Variants in ITPR1 observed in about 807,000 individuals in gnomAD.
ITPR1 encodes inositol 1,4,5-trisphosphate-gated calcium channel ITPR1.
In ITPR1, 96 loss-of-function variants were observed where a neutral mutation model predicts 318.4. The ratio of observed to expected loss-of-function variants is 0.30; its 90% CI spans 0.26 to 0.36. The LOEUF (loss-of-function observed/expected upper bound fraction) is 0.36, where lower values mean the gene tolerates loss of function less well. ITPR1 is among the 10% of genes least tolerant of loss of function. ITPR1 has a pLI of 1.00. For missense variants in ITPR1, 2,440 were observed against 3,460.2 expected (o/e 0.71, Z 7.40); for synonymous variants, 1,312 against 1,289.9 (o/e 1.02, Z -0.37).
At chr3:4,773,540 T>C (rs2046315054) in intron 46 of ITPR1, among the ~76,000 whole-genome samples, 1 of 152,178 alleles carries the variant, frequency 6.6e-6, no homozygotes, top group African/African-American at 2.4e-5. Flanking sequence ...CATATTAATC[T>C]ATATGCCTTT....
At chr3:4,511,650 C>A (rs2081835442) in intron 2 of ITPR1, among the ~76,000 whole-genome samples, 1 of 152,188 alleles carries the variant, frequency 6.6e-6, no homozygotes, top group African/African-American at 2.4e-5. Context: ...TTATTCTCCC[C>A]ATTTTACAGC....
chr3:4,705,633 A>G (rs139080010), intron 36 of ITPR1, among the ~76,000 whole-genome samples: 1 of 152,234 alleles, frequency 6.6e-6, no homozygotes, highest in Non-Finnish European at 1.5e-5. Context: ...GGTTTGACTG[A>G]TGTTTGTCTC....
At chr3:4,624,539 A>C (rs1293052843) in intron 4 of ITPR1, among the ~76,000 whole-genome samples, 2 of 151,706 alleles carry the variant, frequency 1.3e-5, no homozygotes, top group Admixed American at 1.3e-4. Context: ...CATGGTGGTG[A>C]GCACCTGTAA....
intron 42 of ITPR1, among the ~76,000 whole-genome samples, chr3:4,732,634 G>A (rs1461906589): frequency 1.3e-5 from 2 of 151,958 alleles, no homozygotes; most frequent in African/African-American, 2.4e-5. Flanking sequence ...CTTACTCTTG[G>A]CTTATTGTAT....
intron 49 of ITPR1, among the ~76,000 whole-genome samples, chr3:4,781,769 G>A (rs569714805): frequency 5.3e-5 from 8 of 152,314 alleles, no homozygotes; most frequent in African/African-American, 1.9e-4. Context: ...GAACACTGGA[G>A]TCCAGGAGTT....
At chr3:4,648,829 G>T (rs1317281567) in intron 10 of ITPR1, among the ~76,000 whole-genome samples, 1 of 152,140 alleles carries the variant, frequency 6.6e-6, no homozygotes, top group East Asian at 1.9e-4. Flanking sequence ...AAGTTGTTTT[G>T]TTACAATACT....
At chr3:4,834,767 G>A (rs564035078) in intron 60 of ITPR1, among the ~76,000 whole-genome samples, 1 of 152,162 alleles carries the variant, frequency 6.6e-6, no homozygotes, top group East Asian at 1.9e-4. Context: ...AGCACTTTGG[G>A]TTTCTCAGCT....
intron 4 of ITPR1, among the ~76,000 whole-genome samples, chr3:4,556,991 A>C (rs984523742): frequency 6.6e-6 from 1 of 152,182 alleles, no homozygotes; most frequent in African/African-American, 2.4e-5. Context: ...ACCTAGTCAG[A>C]TGGCAACTCT....
At chr3:4,812,965 T>TC in intron 56 of ITPR1, 177 bp from the exon 57 acceptor site, 1 of 616,796 alleles carries the variant, frequency 1.6e-6, no homozygotes, top group Non-Finnish European at 2.9e-6. Flanking sequence ...TTGGCTTTTT[T>TC]CCCATCCAGA....
chr3:4,788,262 A>G (rs1488943308), intron 52 of ITPR1, 123 bp downstream of exon 52: 12 of 758,964 alleles, frequency 1.6e-5, no homozygotes, highest in Middle Eastern at 2.4e-4. Flanking sequence ...GATACTTTGC[A>G]CCTCTGACCA....
At chr3:4,571,793 T>A (rs2088025582) in intron 4 of ITPR1, among the ~76,000 whole-genome samples, 1 of 152,198 alleles carries the variant, frequency 6.6e-6, no homozygotes, top group Non-Finnish European at 1.5e-5. Context: ...AAACCTAGAA[T>A]GGGCAGGTCT....
chr3:4,813,030 TAG>T, intron 56 of ITPR1, 110 bp from the exon 57 acceptor site: 1 of 794,134 alleles, frequency 1.3e-6, no homozygotes, highest in Admixed American at 1.9e-5. Flanking sequence ...TGCAAGATTC[TAG>T]GGTGTTATTT....
chr3:4,652,521 G>A lies in ITPR1; in HGVS notation c.951+303G>A, dbSNP rs146112318. On this transcript the variant is annotated intron_variant, in intron 11 of 61. Coordinates refer to ENST00000649015, the MANE Select transcript of ITPR1 (RefSeq NM_001378452.1). ...CGCTTTTATATACGACCCTCCCCAC[G>A]TCTTGTCTACCAGCCCCACACCTAG... 8.5e-3 allele frequency among the ~76,000 whole-genome samples: 1,295 copies of A among 152,182 alleles called. 16 individuals are homozygous for A. The highest frequency in any genetic ancestry group is 0.029 in the African/African-American group (1,207 of 41,510).
intron 33 of ITPR1, among the ~76,000 whole-genome samples, chr3:4,696,112 T>G (rs2094553667): frequency 6.6e-6 from 1 of 152,232 alleles, no homozygotes; most frequent in Non-Finnish European, 1.5e-5. Flanking sequence ...TTTTAGAAGC[T>G]TCATGGAGAT....
At chr3:4,652,848 TG>T (rs1412412288) in intron 11 of ITPR1, among the ~76,000 whole-genome samples, 1 of 151,964 alleles carries the variant, frequency 6.6e-6, no homozygotes, top group East Asian at 1.9e-4. Context: ...ATTAGCCAGG[TG>T]TGGTGGTGCA....
intron 60 of ITPR1, among the ~76,000 whole-genome samples, chr3:4,819,145 T>C (rs1352191207): frequency 6.6e-6 from 1 of 152,220 alleles, no homozygotes; most frequent in Non-Finnish European, 1.5e-5. Context: ...ATACTGGAAG[T>C]CAGGTCTGTT....
chr3:4,820,368 T>C (rs991233446), intron 60 of ITPR1, among the ~76,000 whole-genome samples: 1 of 152,224 alleles, frequency 6.6e-6, no homozygotes, highest in Non-Finnish European at 1.5e-5. Context: ...TATCTTTACA[T>C]CTTCCAGGGG....
intron 61 of ITPR1, among the ~76,000 whole-genome samples, chr3:4,842,153 A>G (rs753417411): frequency 5.9e-5 from 9 of 152,266 alleles, no homozygotes; most frequent in Non-Finnish European, 1.2e-4. Flanking sequence ...GCCCATTTCT[A>G]CTGTATGCCT....
At chr3:4,520,429 T>C (rs2082470571) in intron 3 of ITPR1, among the ~76,000 whole-genome samples, 1 of 152,200 alleles carries the variant, frequency 6.6e-6, no homozygotes, top group South Asian at 2.1e-4. Flanking sequence ...TGCTCATGGT[T>C]CTTTCCACCT....
Sources: allele counts gnomAD v4.1 joint callset (sites outside exome capture counted in the v4.1 genomes callset), GRCh38; gene constraint gnomAD v4.1.1; transcripts MANE v1.5; gene names NCBI Gene and HGNC (gene_info 2026-07-23, HGNC 2026-07-21).